The following ARHGEF28 variants were observed in gnomAD, a reference collection of about 807,000 sequenced individuals.
The protein encoded by ARHGEF28 is Rho guanine nucleotide exchange factor 28, also known as 190 kDa guanine nucleotide exchange factor.
ARHGEF28 carries 152 observed loss-of-function variants against 206.6 expected under a neutral mutation model. The ratio of observed to expected loss-of-function variants is 0.74; its 90% CI spans 0.64 to 0.84. The LOEUF is 0.84. Ranked by LOEUF, ARHGEF28 falls within the 40% of genes least tolerant of loss-of-function variation. ARHGEF28 has a pLI of 0.00. For synonymous variants in ARHGEF28, 763 were observed against 776.4 expected (o/e 0.98, Z 0.29); for missense variants, 2,028 against 2,073.2 (o/e 0.98, Z 0.42).
chr5:73,743,075 G>A (rs1438459071), intron 2 of ARHGEF28, among the ~76,000 whole-genome samples: 4 of 151,770 alleles, frequency 2.6e-5, no homozygotes, highest in Non-Finnish European at 5.9e-5. Context: ...TTACCTACTC[G>A]CTATTCCTCA....
chr5:73,683,670 G>A (rs779167075), intron 1 of ARHGEF28, among the ~76,000 whole-genome samples: 1 of 151,168 alleles, frequency 6.6e-6, no homozygotes, highest in Non-Finnish European at 1.5e-5. Flanking sequence ...TGGCAGAGAG[G>A]TTGGTTAGCT....
chr5:73,666,021 C>T (rs1031542417), intron 1 of ARHGEF28, among the ~76,000 whole-genome samples: 10 of 152,168 alleles, frequency 6.6e-5, no homozygotes, highest in Non-Finnish European at 1.0e-4. Context: ...ATGATTCACC[C>T]TGAGGCAAGT....
At chr5:73,792,291 G>A (rs187360832) in intron 7 of ARHGEF28, among the ~76,000 whole-genome samples, 53 of 152,256 alleles carry the variant, frequency 3.5e-4, no homozygotes, top group Admixed American at 5.9e-4. Flanking sequence ...ACGGAAAAAC[G>A]TAGGCATGGC....
At chr5:73,928,008 A>G (rs963559035) in intron 35 of ARHGEF28, among the ~76,000 whole-genome samples, 1 of 152,202 alleles carries the variant, frequency 6.6e-6, no homozygotes, top group African/African-American at 2.4e-5. Context: ...TAAAAAAATA[A>G]TGTTTTTCAT....
chr5:73,696,901 A>G (rs545793760), intron 2 of ARHGEF28, among the ~76,000 whole-genome samples: 33 of 152,292 alleles, frequency 2.2e-4, no homozygotes, highest in African/African-American at 7.7e-4. Context: ...CAGGTATGTG[A>G]CCATCACTAT....
chr5:73,782,624 T>TC, intron 7 of ARHGEF28, among the ~76,000 whole-genome samples: 1 of 152,210 alleles, frequency 6.6e-6, no homozygotes, highest in African/African-American at 2.4e-5. Context: ...CCTTTACTAT[T>TC]CTCCCCTGTG....
chr5:73,688,788 G>T (rs932890549), intron 2 of ARHGEF28, among the ~76,000 whole-genome samples: 1 of 152,052 alleles, frequency 6.6e-6, no homozygotes, highest in Non-Finnish European at 1.5e-5. Flanking sequence ...TGAGTAGCTG[G>T]GACTACAGGT....
At chr5:73,802,770 T>A (rs1194224291) in intron 9 of ARHGEF28, among the ~76,000 whole-genome samples, 1 of 152,108 alleles carries the variant, frequency 6.6e-6, no homozygotes, top group African/African-American at 2.4e-5. Flanking sequence ...TTTCTTCCCC[T>A]TTTCTTGTGT....
At chr5:73,835,972 A>G (rs1399217092) in intron 10 of ARHGEF28, among the ~76,000 whole-genome samples, 3 of 152,180 alleles carry the variant, frequency 2.0e-5, no homozygotes, top group Non-Finnish European at 2.9e-5. Context: ...TTGTTGAGTA[A>G]GAGAATAGAA....
chr5:73,760,114 GA>G, intron 4 of ARHGEF28, among the ~76,000 whole-genome samples: 1 of 152,320 alleles, frequency 6.6e-6, no homozygotes, highest in Non-Finnish European at 1.5e-5. Context: ...TTACTAACCA[GA>G]GAAGGGCAAA....
At chr5:73,914,787 G>A (rs986726576) in intron 35 of ARHGEF28, among the ~76,000 whole-genome samples, 2 of 151,804 alleles carry the variant, frequency 1.3e-5, no homozygotes, top group East Asian at 1.9e-4. Context: ...GTTCAGTGGC[G>A]TGATTTTCAA....
At chr5:73,654,495 TG>T (rs1307502078) in intron 1 of ARHGEF28, among the ~76,000 whole-genome samples, 3 of 152,260 alleles carry the variant, frequency 2.0e-5, no homozygotes, top group Admixed American at 6.5e-5. Context: ...CCTCATGGCC[TG>T]GAGAGAGCTG....
chr5:73,872,906 C>T (rs970709817), intron 21 of ARHGEF28, 93 bp from the exon 22 acceptor site: 23 of 1,358,234 alleles, frequency 1.7e-5, no homozygotes, highest in Middle Eastern at 2.6e-4. Flanking sequence ...TTTTTATTTG[C>T]GTAACATATA....
At chr5:73,904,648 T>TAAA (rs1217018394) in intron 33 of ARHGEF28, 8 of 503,484 alleles carry the variant, frequency 1.6e-5, no homozygotes, top group Non-Finnish European at 3.5e-6. Flanking sequence ...TAAAAAATAT[T>TAAA]GATGAATATG....
chr5:73,743,582 C>T (rs772591749), intron 2 of ARHGEF28, among the ~76,000 whole-genome samples: 11 of 152,158 alleles, frequency 7.2e-5, no homozygotes, highest in Non-Finnish European at 1.6e-4. Context: ...TTTGTATTTA[C>T]GTGAATGGGA....
intron 16 of ARHGEF28, among the ~76,000 whole-genome samples, chr5:73,858,965 C>T (rs1303157388): frequency 6.6e-6 from 1 of 152,112 alleles, no homozygotes; most frequent in African/African-American, 2.4e-5. Flanking sequence ...CAGTCATGCT[C>T]CTGCCTTAGG....
intron 9 of ARHGEF28, among the ~76,000 whole-genome samples, chr5:73,807,594 C>A (rs894021993): frequency 1.3e-5 from 2 of 151,662 alleles, no homozygotes; most frequent in Non-Finnish European, 2.9e-5. Context: ...AAGTGATTCT[C>A]CTGCCTCAGC....
At chr5:73,790,941 G>A (rs1430833323) in intron 7 of ARHGEF28, among the ~76,000 whole-genome samples, 1 of 152,220 alleles carries the variant, frequency 6.6e-6, no homozygotes, top group Non-Finnish European at 1.5e-5. Flanking sequence ...GGAAGGGTGG[G>A]AGGAAGTAAG....
At position 73,705,963 on chromosome 5, in the gene ARHGEF28, T is replaced by C. The variant is rs189527123; in HGVS notation, c.33+21079T>C. 2.5e-4 allele frequency among the ~76,000 whole-genome samples: 38 copies of C among 152,304 alleles called. 1 individual carries two copies. The East Asian group carries it at 6.8e-3, about 27-fold the overall frequency. ...AGAAGTGCTGAGCACGTGGCGGTGT[T>C]CAGCAACTACTGCGTTATTATGCTG... On this transcript the variant is annotated intron_variant, in intron 2 of 35. Transcript: ENST00000513042.
Sources: allele counts gnomAD v4.1 joint callset (sites outside exome capture counted in the v4.1 genomes callset), GRCh38; gene constraint gnomAD v4.1.1; transcripts MANE v1.5; gene names NCBI Gene and HGNC (gene_info 2026-07-23, HGNC 2026-07-21).